The following SNX29 variants were observed in gnomAD, a reference collection of about 807,000 sequenced individuals.
SNX29 encodes sorting nexin 29.
A neutral mutation model predicts 102.1 loss-of-function variants in SNX29; 78 were observed. That is an observed-to-expected ratio of 0.76 (90% CI 0.64 to 0.92). SNX29 has a LOEUF of 0.92. Among genes scored for constraint, SNX29 ranks in the 40% least tolerant of loss-of-function variants. SNX29 has a pLI of 0.00. For synonymous variants in SNX29, 580 were observed against 414.5 expected (o/e 1.40, Z -4.85); for missense variants, 1,280 against 1,061.7 (o/e 1.21, Z -2.86).
At chr16:12,437,533 A>G (rs992399219) in intron 18 of SNX29, among the ~76,000 whole-genome samples, 18 of 152,218 alleles carry the variant, frequency 1.2e-4, no homozygotes, top group Admixed American at 1.2e-3. Flanking sequence ...TATGAAGTAC[A>G]TCAAGGGGCA....
intron 9 of SNX29, among the ~76,000 whole-genome samples, chr16:12,068,747 G>A (rs2051154866): frequency 6.6e-6 from 1 of 152,112 alleles, no homozygotes; most frequent in African/African-American, 2.4e-5. Context: ...GTTTCACCAT[G>A]TTGGCCAGGC....
chr16:12,559,766 C>G (rs762348642), intron 20 of SNX29, among the ~76,000 whole-genome samples: 9 of 152,136 alleles, frequency 5.9e-5, no homozygotes, highest in Non-Finnish European at 8.8e-5. Flanking sequence ...AGCAGTCACT[C>G]TGAAAGCATT....
At chr16:12,429,668 T>C (rs1046368824) in intron 18 of SNX29, among the ~76,000 whole-genome samples, 1 of 152,246 alleles carries the variant, frequency 6.6e-6, no homozygotes, top group Non-Finnish European at 1.5e-5. Context: ...ACCATCACGC[T>C]GTCATATCAT....
intron 15 of SNX29, among the ~76,000 whole-genome samples, chr16:12,301,864 C>T (rs1208361184): frequency 6.6e-6 from 1 of 152,234 alleles, no homozygotes; most frequent in African/African-American, 2.4e-5. Context: ...AGCTCTTTTA[C>T]AGGCATCATC....
intron 20 of SNX29, among the ~76,000 whole-genome samples, chr16:12,543,802 T>C (rs933392568): frequency 1.3e-5 from 2 of 152,228 alleles, no homozygotes; most frequent in African/African-American, 4.8e-5. Context: ...TAGAGATTTC[T>C]CCCAGCCCAT....
At chr16:12,567,088 G>A (rs2865574) in intron 20 of SNX29, among the ~76,000 whole-genome samples, 38,562 of 152,240 alleles carry the variant, frequency 0.25, 5,181 homozygotes, top group Middle Eastern at 0.39. Flanking sequence ...GATCCTCGAG[G>A]GGAATGATTT....
chr16:12,048,584 G>C lies in SNX29; in HGVS notation c.712G>C (p.Asp238His). Residue 238 changes from aspartate to histidine, a missense_variant, in exon 7 of 21, where the codon GAC becomes CAC. Physicochemically the swap from Asp to His is moderately conservative, Grantham distance 81 (BLOSUM62 -1). Transcript: ENST00000566228. ...CCTCATCAAACCTGAACAGGAGACC[G>C]ACCCCTTGCCTGTCGTGTCCAGGAA... ...SILIKPEQETDPLPVVSRNVS... is the reference protein window; with the variant it reads ...SILIKPEQETHPLPVVSRNVS... The C allele has an allele frequency of 3.1e-6, 5 of 1,613,936 alleles. No individual in the cohort carries two copies. The highest frequency in any genetic ancestry group is 4.2e-6 in the Non-Finnish European group (5 of 1,179,870).
intron 20 of SNX29, among the ~76,000 whole-genome samples, chr16:12,548,720 G>A (rs1013596955): frequency 6.6e-6 from 1 of 152,152 alleles, no homozygotes; most frequent in African/African-American, 2.4e-5. Context: ...TGTAGGAGGG[G>A]TACATCCAGG....
intron 20 of SNX29, among the ~76,000 whole-genome samples, chr16:12,548,596 C>G (rs992117183): frequency 6.6e-6 from 1 of 152,134 alleles, no homozygotes; most frequent in African/African-American, 2.4e-5. Context: ...CACTCCAGGC[C>G]CGGGTACTCT....
At chr16:12,324,781 G>C (rs573688211) in intron 15 of SNX29, among the ~76,000 whole-genome samples, 15 of 152,108 alleles carry the variant, frequency 9.9e-5, no homozygotes, top group Non-Finnish European at 1.9e-4. Context: ...CGGGCCTCCT[G>C]ACCCAGCAAT....
intron 19 of SNX29, among the ~76,000 whole-genome samples, chr16:12,495,796 G>A (rs2088791393): frequency 6.6e-6 from 1 of 152,122 alleles, no homozygotes; most frequent in African/African-American, 2.4e-5. Context: ...GCTCACGCCT[G>A]TAATCCCAGC....
chr16:12,136,556 A>G (rs369018106), intron 13 of SNX29, among the ~76,000 whole-genome samples: 4 of 152,184 alleles, frequency 2.6e-5, no homozygotes, highest in East Asian at 1.9e-4. Context: ...AGGTCCCCCA[A>G]TGACACCAGT....
intron 15 of SNX29, among the ~76,000 whole-genome samples, chr16:12,292,004 GCAAT>G (rs774260736): frequency 6.6e-5 from 10 of 152,212 alleles, no homozygotes; most frequent in Non-Finnish European, 1.5e-4. Flanking sequence ...TTAGCAGCAA[GCAAT>G]CAGTGAATCA....
chr16:12,023,585 A>AAAAAGAAAAG (rs767839983), intron 3 of SNX29, among the ~76,000 whole-genome samples: 1 of 149,612 alleles, frequency 6.7e-6, no homozygotes, highest in East Asian at 1.9e-4. Context: ...CTCAAAAAAA[A>AAAAAGAAAAG]AAAAGAAAAG....
At chr16:12,078,960 T>C (rs1174796022) in intron 11 of SNX29, 45 bp downstream of exon 11, 1 of 1,514,098 alleles carries the variant, frequency 6.6e-7, no homozygotes, top group African/African-American at 1.4e-5. Flanking sequence ...GGATGACTTC[T>C]GGCCCACGTC....
intron 20 of SNX29, among the ~76,000 whole-genome samples, chr16:12,552,087 G>T (rs906635414): frequency 6.6e-6 from 1 of 151,790 alleles, no homozygotes; most frequent in South Asian, 2.1e-4. Context: ...TCACTCAACT[G>T]TGCTATCCTC....
intron 18 of SNX29, 55 bp from the exon 19 acceptor site, chr16:12,477,664 C>G (rs1268305083): frequency 1.9e-6 from 3 of 1,592,372 alleles, no homozygotes; most frequent in African/African-American, 1.4e-5. Context: ...AGCCGAAATC[C>G]TACTCCTTTA....
At chr16:12,227,964 C>T (rs1032682859) in intron 14 of SNX29, among the ~76,000 whole-genome samples, 5 of 148,410 alleles carry the variant, frequency 3.4e-5, no homozygotes, top group South Asian at 2.2e-4. Context: ...GTAGTGGACT[C>T]GTCACCTGGG....
chr16:12,135,550 G>A, intron 13 of SNX29: 1 of 1,326,020 alleles, frequency 7.5e-7, no homozygotes, highest in Non-Finnish European at 9.9e-7. Flanking sequence ...TTTGTTGGCA[G>A]CTATCTTTGC....
Sources: allele counts gnomAD v4.1 joint callset (sites outside exome capture counted in the v4.1 genomes callset), GRCh38; gene constraint gnomAD v4.1.1; transcripts MANE v1.5; gene names NCBI Gene and HGNC (gene_info 2026-07-23, HGNC 2026-07-21).